Variants in PPARA observed in about 807,000 individuals in gnomAD.
PPARA encodes the protein peroxisome proliferator activated receptor alpha.
In PPARA, 22 loss-of-function variants were observed where a neutral mutation model predicts 42.2. That is an observed-to-expected ratio of 0.52 (90% CI 0.37 to 0.74). PPARA has a LOEUF of 0.74. Among genes scored for constraint, PPARA ranks in the 30% least tolerant of loss-of-function variants. The pLI is 0.00. For synonymous variants in PPARA, 242 were observed against 239.3 expected, an observed-to-expected ratio of 1.01 and a Z score of -0.10; for missense variants, 465 against 608.2, an observed-to-expected ratio of 0.76 and a Z score of 2.48.
intron 7 of PPARA, among the ~76,000 whole-genome samples, chr22:46,229,116 A>G (rs1228941815): frequency 6.6e-6 from 1 of 152,036 alleles, no homozygotes; most frequent in Non-Finnish European, 1.5e-5. Context: ...CAAAAAAAAA[A>G]AAAAATTATT....
In PPARA at chr22:46,160,337, C is replaced by A. The variant is rs896691904; in HGVS notation, c.-127+8367C>A. On this transcript the variant is annotated intron_variant, in intron 2 of 8. Coordinates refer to ENST00000407236, the MANE Select transcript of PPARA (RefSeq NM_005036.6). This position sits in a 1 kb window ranked among gnomAD's most constrained non-coding sequence, Gnocchi z 4.5. ...TTTGAGATGGAGTCTCGCTCTGTCA[C>A]CCAGGCCGGAGTGCAGTGGTGCGAT... Among the ~76,000 whole-genome samples the A allele has an allele frequency of 1.4e-4, 22 of 152,158 alleles. No individual in the cohort carries two copies. The highest frequency in any genetic ancestry group is 5.2e-4 in the Admixed American group (8 of 15,280).
chr22:46,229,098 C>T (rs1601818196), intron 7 of PPARA, among the ~76,000 whole-genome samples: 1 of 137,872 alleles, frequency 7.3e-6, no homozygotes, highest in Middle Eastern at 3.5e-3. Flanking sequence ...CAGAGCGAGA[C>T]TCCATCTCAA....
Position 46,224,625 on chromosome 22 carries a change from A to G in PPARA, c.711+4611A>G, listed in dbSNP as rs929922628. On this transcript the variant is annotated intron_variant, in intron 7 of 8. Transcript: ENST00000407236. This position sits in a 1 kb window ranked among gnomAD's most constrained non-coding sequence, Gnocchi z 5.7. ...GACCTCAGGGCCGGCGGCTGACTTC[A>G]TTTCTGTTTGGGGATGAGAGGCGGC... 6.6e-6 allele frequency among the ~76,000 whole-genome samples: 1 copy of G among 151,992 alleles called. No individual in the cohort carries two copies. The highest frequency in any genetic ancestry group is 2.4e-5 in the African/African-American group (1 of 41,378).
At chr22:46,199,907 G>A (rs1418651742) in intron 4 of PPARA, among the ~76,000 whole-genome samples, 1 of 152,004 alleles carries the variant, frequency 6.6e-6, no homozygotes, top group Non-Finnish European at 1.5e-5. Flanking sequence ...ATTTTTAGTA[G>A]AGATGGGGTT....
At chr22:46,158,336 G>A (rs1268842261) in intron 2 of PPARA, among the ~76,000 whole-genome samples, 2 of 152,150 alleles carry the variant, frequency 1.3e-5, no homozygotes, top group Admixed American at 6.6e-5. Context: ...GAACCCAGGA[G>A]TCGGAGGTTG....
intron 5 of PPARA, among the ~76,000 whole-genome samples, chr22:46,217,757 C>T (rs960567787): frequency 1.1e-4 from 16 of 148,362 alleles, no homozygotes; most frequent in Middle Eastern, 3.2e-3. Flanking sequence ...TTAAATGTAA[C>T]GACATTTAAA....
intron 7 of PPARA, 147 bp downstream of exon 7, chr22:46,220,161 C>A: frequency 1.1e-6 from 1 of 934,696 alleles, no homozygotes; most frequent in Non-Finnish European, 1.7e-6. Flanking sequence ...ACAGTTCATT[C>A]TGAGACTCTG....
intron 4 of PPARA, among the ~76,000 whole-genome samples, chr22:46,199,650 T>A (rs903155881): frequency 4.3e-4 from 66 of 151,936 alleles, no homozygotes; most frequent in East Asian, 1.2e-3. Flanking sequence ...TAAAAAAAAA[T>A]TTTTTTAAGC....
chr22:46,228,879 C>T (rs1258444541), intron 7 of PPARA, among the ~76,000 whole-genome samples: 5 of 151,542 alleles, frequency 3.3e-5, no homozygotes, highest in African/African-American at 4.8e-5. Flanking sequence ...CTGAGGTGGG[C>T]GGATCACGAG....
At chr22:46,164,935 G>A (rs531773343) in intron 2 of PPARA, 11 of 152,256 alleles carry the variant, frequency 7.2e-5, no homozygotes, top group South Asian at 2.1e-4. Context: ...ATAATAAGAC[G>A]AGTAGCTATT....
Position 46,211,904 on chromosome 22 carries a change from G to A in PPARA, c.209-3269G>A, listed in dbSNP as rs569781954. 6.6e-5 allele frequency among the ~76,000 whole-genome samples: 10 copies of A among 152,294 alleles called. No individual in the cohort carries two copies. The South Asian group carries it at 2.1e-3, about 32-fold the overall frequency. ...AGACGATGTTTCACTATGTGGGCCAGGCTGGTCTCGAACTCCTGACCTTGT... is the reference window on the plus strand; with the variant it reads ...AGACGATGTTTCACTATGTGGGCCAAGCTGGTCTCGAACTCCTGACCTTGT... On this transcript the variant is annotated intron_variant, in intron 4 of 8. Coordinates refer to ENST00000407236, the MANE Select transcript of PPARA (RefSeq NM_005036.6). The surrounding 1 kb of genome is among the most constrained non-coding windows in gnomAD (Gnocchi z 4.1).
intron 5 of PPARA, among the ~76,000 whole-genome samples, chr22:46,217,145 C>G (rs974728136): frequency 6.6e-6 from 1 of 152,118 alleles, no homozygotes; most frequent in Non-Finnish European, 1.5e-5. Flanking sequence ...ATTCTAACCC[C>G]ATGCGTTCCT....
chr22:46,188,355 T>G lies in PPARA; in HGVS notation c.-42-9987T>G, dbSNP rs1931087071. Among the ~76,000 whole-genome samples the G allele has an allele frequency of 6.6e-6, 1 of 152,228 alleles. No individual in the cohort carries two copies. The highest frequency in any genetic ancestry group is 1.5e-5 in the Non-Finnish European group (1 of 68,038). ...TGCAGATATGCTGTTCCCTTTTCCT[T>G]GAAATGGCCCTTACCCTCCTTTCTG... On this transcript the variant is annotated intron_variant, in intron 3 of 8. Transcript: ENST00000407236. The surrounding 1 kb of genome is among the most constrained non-coding windows in gnomAD (Gnocchi z 5.0).
chr22:46,213,739 C>A (rs1934169890), intron 4 of PPARA, among the ~76,000 whole-genome samples: 1 of 152,092 alleles, frequency 6.6e-6, no homozygotes, highest in Non-Finnish European at 1.5e-5. Flanking sequence ...ACAGGCGCCC[C>A]CACCACGCCC....
chr22:46,151,110 G>C (rs1924348596), intron 1 of PPARA: 1 of 152,256 alleles, frequency 6.6e-6, no homozygotes, highest in African/African-American at 2.4e-5. Context: ...CGACTCAGAA[G>C]GTGCTTTCCG....
Position 46,222,427 on chromosome 22 carries a change from T to C in PPARA, c.711+2413T>C, listed in dbSNP as rs1175667863. 1.3e-5 allele frequency among the ~76,000 whole-genome samples: 2 copies of C among 152,202 alleles called. No individual in the cohort carries two copies. The highest frequency in any genetic ancestry group is 4.8e-5 in the African/African-American group (2 of 41,440). ...AGGTGGAATTTTAGTCACAGGAAAA[T>C]AAAGCATTTCACAAGCTACTTACTT... On this transcript the variant is annotated intron_variant, in intron 7 of 8. Coordinates refer to ENST00000407236, the MANE Select transcript of PPARA (RefSeq NM_005036.6). The surrounding 1 kb of genome is among the most constrained non-coding windows in gnomAD (Gnocchi z 5.9).
At position 46,161,148 on chromosome 22, in the gene PPARA, T is replaced by C. The variant is rs983840545; in HGVS notation, c.-127+9178T>C. On this transcript the variant is annotated intron_variant, in intron 2 of 8. Coordinates refer to ENST00000407236, the MANE Select transcript of PPARA (RefSeq NM_005036.6). This position sits in a 1 kb window ranked among gnomAD's most constrained non-coding sequence, Gnocchi z 4.8. ...TCAGAGAAAACCACGGCAGCTTCCA[T>C]GGACTCATAAAAAGAGCTCAAAACC... 6.6e-6 allele frequency among the ~76,000 whole-genome samples: 1 copy of C among 152,160 alleles called. No individual in the cohort carries two copies. Among genetic ancestry groups the C allele is most frequent in the East Asian group, 1.9e-4 (1 of 5,202 alleles).
chr22:46,181,962 C>T, intron 3 of PPARA, among the ~76,000 whole-genome samples: 1 of 152,246 alleles, frequency 6.6e-6, no homozygotes, highest in East Asian at 1.9e-4. Context: ...CCTCAGCCTC[C>T]TGAGTAGCTG....
At chr22:46,164,503 T>G (rs1926738743) in intron 2 of PPARA, 1 of 152,248 alleles carries the variant, frequency 6.6e-6, no homozygotes, top group South Asian at 2.1e-4. Context: ...TCCGCCAGCC[T>G]CGGCCTCCCA....
Sources: allele counts gnomAD v4.1 joint callset (sites outside exome capture counted in the v4.1 genomes callset), GRCh38; gene constraint gnomAD v4.1.1; non-coding constraint Gnocchi (gnomAD v3.1); transcripts MANE v1.5; gene names NCBI Gene and HGNC (gene_info 2026-07-23, HGNC 2026-07-21).